NELL2: variants seen among roughly 807,000 people sequenced by gnomAD.
The protein encoded by NELL2 is neural EGFL like 2.
A neutral mutation model predicts 109.6 loss-of-function variants in NELL2; 41 were observed. The ratio of observed to expected loss-of-function variants is 0.37; its 90% CI spans 0.29 to 0.49. The LOEUF (loss-of-function observed/expected upper bound fraction) is 0.49, where lower values mean the gene tolerates loss of function less well. NELL2 is among the 20% of genes least tolerant of loss of function. NELL2 has a pLI of 0.98. For synonymous variants in NELL2, 355 were observed against 344.7 expected (o/e 1.03, Z -0.33); for missense variants, 900 against 1,008.3 (o/e 0.89, Z 1.45).
chr12:44,625,424 T>C (rs1011109137), intron 13 of NELL2, among the ~76,000 whole-genome samples: 21 of 152,176 alleles, frequency 1.4e-4, no homozygotes, highest in African/African-American at 4.8e-4. Context: ...ATGTTTGATG[T>C]GCAAATGCAA....
rs573861401 is a variant in NELL2, at chr12:44,813,715, T to C, written c.335+2271A>G. Among the ~76,000 whole-genome samples, 4 of 152,324 alleles carry C rather than the reference T, an allele frequency of 2.6e-5. No homozygotes were observed. The East Asian group carries it at 7.7e-4, about 29-fold the overall frequency. On this transcript the variant is annotated intron_variant, in intron 3 of 19. Transcript: ENST00000429094. The stretch of plus-strand genomic sequence containing the variant: ...CTTCAACATTAGTCTTTTAGTAACA[T>C]GATTGTATCAATTTTCCTATTTCTT...
intron 12 of NELL2, among the ~76,000 whole-genome samples, chr12:44,666,737 C>A (rs1383767765): frequency 2.6e-5 from 4 of 152,156 alleles, no homozygotes; most frequent in Non-Finnish European, 5.9e-5. Context: ...CTATTCAATT[C>A]CATGGACAGC....
chr12:44,585,529 G>A (rs1458139704), intron 15 of NELL2, among the ~76,000 whole-genome samples: 2 of 151,976 alleles, frequency 1.3e-5, no homozygotes, highest in African/African-American at 2.4e-5. Flanking sequence ...TAAAACAAGA[G>A]TTAAATATAT....
At chr12:44,598,212 T>G (rs140459362) in intron 15 of NELL2, among the ~76,000 whole-genome samples, 1 of 150,036 alleles carries the variant, frequency 6.7e-6, no homozygotes, top group East Asian at 2.0e-4. Context: ...GAGTTATCTA[T>G]TAGATGGATA....
chr12:44,660,096 A>C lies in NELL2; in HGVS notation c.1444+5388T>G, dbSNP rs557752367. Among the ~76,000 whole-genome samples the C allele has an allele frequency of 6.6e-5, 10 of 152,280 alleles. No individual in the cohort carries two copies. In the South Asian group the frequency reaches 2.1e-3, roughly 32 times the overall value. On this transcript the variant is annotated intron_variant, in intron 13 of 19. Coordinates refer to ENST00000429094, the MANE Select transcript of NELL2 (RefSeq NM_001145108.2). ...GAACTTAGTGGTGAGTGGGACTTAAAACAGGGTCCTTTTTGTGGCCAAAGG... is the reference window on the plus strand; with the variant it reads ...GAACTTAGTGGTGAGTGGGACTTAACACAGGGTCCTTTTTGTGGCCAAAGG...
chr12:44,642,926 T>A (rs903124852), intron 13 of NELL2, among the ~76,000 whole-genome samples: 8 of 152,046 alleles, frequency 5.3e-5, no homozygotes, highest in African/African-American at 1.9e-4. Flanking sequence ...GATCTCGTGT[T>A]ATGTGTTCTT....
intron 15 of NELL2, among the ~76,000 whole-genome samples, chr12:44,558,255 T>C (rs966242057): frequency 2.0e-5 from 3 of 152,192 alleles, no homozygotes; most frequent in African/African-American, 7.2e-5. Flanking sequence ...CTAATCCAAT[T>C]TCACTATTTC....
chr12:44,759,722 G>T (rs1274057461), intron 9 of NELL2, among the ~76,000 whole-genome samples: 1 of 152,186 alleles, frequency 6.6e-6, no homozygotes, highest in African/African-American at 2.4e-5. Context: ...TGACCATGTA[G>T]ATCCTCCATA....
At chr12:44,818,582 G>A (rs933004585) in intron 2 of NELL2, among the ~76,000 whole-genome samples, 2 of 152,158 alleles carry the variant, frequency 1.3e-5, no homozygotes, top group African/African-American at 4.8e-5. Flanking sequence ...TGAAACTTTA[G>A]AGATAAGATG....
intron 13 of NELL2, among the ~76,000 whole-genome samples, chr12:44,644,631 C>CAT (rs144306927): frequency 0.3 from 30,163 of 99,700 alleles, 5,127 homozygotes; most frequent in African/African-American, 0.48. Context: ...TATATACATA[C>CAT]ATATATATAT....
rs145370733 is a variant in NELL2, at chr12:44,780,823, T to C, written c.336-801A>G. Among the ~76,000 whole-genome samples, 14 of 152,112 alleles carry C rather than the reference T, an allele frequency of 9.2e-5. No individual in the cohort carries two copies. The East Asian group carries it at 2.7e-3, about 29-fold the overall frequency. ...CTCAGAAATAAAAGAAGCTTCCCCC[T>C]CAACTGTCAACAAAGGCAAGTGGGG... On this transcript the variant is annotated intron_variant, in intron 3 of 19. Transcript: ENST00000429094.
chr12:44,706,169 T>C lies in NELL2; in HGVS notation c.1190-2315A>G, dbSNP rs1370259780. 2.0e-5 allele frequency among the ~76,000 whole-genome samples: 3 copies of C among 152,192 alleles called. No homozygotes were observed. The East Asian group carries it at 5.8e-4, about 29-fold the overall frequency. Reference sequence around the variant, plus strand: ...TAAAAATTAGGAAGTGCCTTGCTTTTTATCAGATGGGTTTTTTTAAACACA... The same window carrying C: ...TAAAAATTAGGAAGTGCCTTGCTTTCTATCAGATGGGTTTTTTTAAACACA... On this transcript the variant is annotated intron_variant, in intron 11 of 19. Transcript: ENST00000429094.
chr12:44,884,355 A>G (rs1945447870), intron 1 of NELL2, among the ~76,000 whole-genome samples: 1 of 151,966 alleles, frequency 6.6e-6, no homozygotes, highest in African/African-American at 2.4e-5. Flanking sequence ...GAGTAATAGA[A>G]CTGAAAGAAG....
chr12:44,593,462 C>T (rs1184660129), intron 15 of NELL2, among the ~76,000 whole-genome samples: 3 of 152,196 alleles, frequency 2.0e-5, no homozygotes, highest in Non-Finnish European at 4.4e-5. Context: ...TTACATGGTA[C>T]TGTGTGTAAC....
intron 13 of NELL2, among the ~76,000 whole-genome samples, chr12:44,654,344 C>T (rs1947413484): frequency 6.6e-6 from 1 of 152,180 alleles, no homozygotes; most frequent in Admixed American, 6.5e-5. Context: ...CTACTCTTGT[C>T]CTTCAACCTG....
intron 15 of NELL2, among the ~76,000 whole-genome samples, chr12:44,583,241 G>A (rs1944384388): frequency 6.6e-6 from 1 of 152,158 alleles, no homozygotes; most frequent in Non-Finnish European, 1.5e-5. Flanking sequence ...AAGGAGGGTT[G>A]GAGGGTATAA....
chr12:44,624,004 A>G (rs904631046), intron 13 of NELL2, among the ~76,000 whole-genome samples: 3 of 151,628 alleles, frequency 2.0e-5, no homozygotes, highest in African/African-American at 7.3e-5. Context: ...GGGCTAGGGG[A>G]GGGATAGCAT....
chr12:44,839,069 C>G (rs1944141853), intron 2 of NELL2, among the ~76,000 whole-genome samples: 1 of 152,208 alleles, frequency 6.6e-6, no homozygotes, highest in Non-Finnish European at 1.5e-5. Context: ...CCTCCCCGCG[C>G]ACGCTTCAAT....
intron 19 of NELL2, among the ~76,000 whole-genome samples, chr12:44,512,436 A>T (rs759256972): frequency 5.9e-5 from 9 of 152,180 alleles, no homozygotes; most frequent in Non-Finnish European, 1.3e-4. Context: ...TCAAAAAACT[A>T]AAATAGATCT....
Sources: allele counts gnomAD v4.1 joint callset (sites outside exome capture counted in the v4.1 genomes callset), GRCh38; gene constraint gnomAD v4.1.1; transcripts MANE v1.5; gene names NCBI Gene and HGNC (gene_info 2026-07-23, HGNC 2026-07-21).